UPRT: variants seen among roughly 807,000 people sequenced by gnomAD.
The protein encoded by UPRT is uracil phosphoribosyltransferase homolog, also known as RP11-311P8.3.
In UPRT, 5 loss-of-function variants were observed where a neutral mutation model predicts 22.6. The ratio of observed to expected loss-of-function variants is 0.22; its 90% CI spans 0.12 to 0.47. The LOEUF is 0.47. UPRT is among the 20% of genes least tolerant of loss of function. UPRT has a pLI of 0.99. For missense variants in UPRT, 181 were observed against 239.9 expected, an observed-to-expected ratio of 0.75 and a Z score of 1.62; for synonymous variants, 77 against 87.7, an observed-to-expected ratio of 0.88 and a Z score of 0.68.
intron 1 of UPRT, among the ~76,000 whole-genome samples, chrX:75,292,940 AT>A (rs951486484): frequency 1.8e-5 from 2 of 111,727 alleles, no homozygotes; most frequent in Non-Finnish European, 3.8e-5. Flanking sequence ...TTATTTGAGA[AT>A]GAGTTCTTGG....
chrX:75,287,747 A>G (rs1269181813), intron 1 of UPRT, among the ~76,000 whole-genome samples: 1 of 111,529 alleles, frequency 9.0e-6, no homozygotes, highest in East Asian at 2.8e-4. Context: ...TAACAATCTA[A>G]TGTCACACCT....
At chrX:75,189,504 G>C (rs1481579674) in intron 4 of UPRT, among the ~76,000 whole-genome samples, 3 of 111,815 alleles carry the variant, frequency 2.7e-5, no homozygotes, top group Non-Finnish European at 5.6e-5. Context: ...AAGTCTGCTT[G>C]GTGCAGAGCT....
chrX:75,272,609 TAA>T (rs2082615146), upstream of UPRT, among the ~76,000 whole-genome samples: 1 of 107,931 alleles, frequency 9.3e-6, no homozygotes, highest in Admixed American at 1.0e-4. Context: ...GCTTGAGAGA[TAA>T]AAGACTACAA....
upstream of UPRT, among the ~76,000 whole-genome samples, chrX:75,271,800 A>T (rs975950902): frequency 9.0e-6 from 1 of 111,408 alleles, no homozygotes; most frequent in Non-Finnish European, 1.9e-5. Context: ...AGAAAGACAA[A>T]AACAAACAAT....
chrX:75,263,097 C>T (rs1440885147), intron 4 of UPRT, among the ~76,000 whole-genome samples: 1 of 112,033 alleles, frequency 8.9e-6, no homozygotes, highest in Non-Finnish European at 1.9e-5. Flanking sequence ...GAAATCATAA[C>T]AAACAGCCTC....
At chrX:75,192,439 GT>G (rs2082318852) in intron 4 of UPRT, among the ~76,000 whole-genome samples, 1 of 111,103 alleles carries the variant, frequency 9.0e-6, no homozygotes, top group Non-Finnish European at 1.9e-5. Flanking sequence ...ATATTCCGTT[GT>G]TTTTGGGTGG....
intron 4 of UPRT, among the ~76,000 whole-genome samples, chrX:75,191,867 C>A (rs192813007): frequency 2.3e-3 from 256 of 111,525 alleles, no homozygotes; most frequent in Non-Finnish European, 3.2e-3. Context: ...TCACAGCTTT[C>A]CTTGGCTAGG....
At chrX:75,188,311 G>T (rs2082302012) in intron 4 of UPRT, among the ~76,000 whole-genome samples, 1 of 111,732 alleles carries the variant, frequency 8.9e-6, no homozygotes, top group African/African-American at 3.3e-5. Context: ...CCCTGCTAGG[G>T]GGTGCCTCCC....
chrX:75,254,973 C>T (rs2082544712), intron 4 of UPRT, among the ~76,000 whole-genome samples: 1 of 109,758 alleles, frequency 9.1e-6, no homozygotes, highest in Non-Finnish European at 1.9e-5. Flanking sequence ...GACGGGGTTT[C>T]ACCTTGTTAG....
At chrX:75,165,010 T>A (rs1253026095) in intron 3 of UPRT, among the ~76,000 whole-genome samples, 1 of 111,148 alleles carries the variant, frequency 9.0e-6, no homozygotes, top group Non-Finnish European at 1.9e-5. Context: ...TTGTGTAGTA[T>A]ATAACTTTGC....
chrX:75,175,359 A>C (rs1460083348), intron 4 of UPRT, among the ~76,000 whole-genome samples: 2 of 112,216 alleles, frequency 1.8e-5, no homozygotes, highest in Non-Finnish European at 3.8e-5. Context: ...ATGTGAAAAG[A>C]GCAAAGTCTC....
intron 4 of UPRT, among the ~76,000 whole-genome samples, chrX:75,194,606 C>T: frequency 9.0e-6 from 1 of 110,942 alleles, no homozygotes; most frequent in Non-Finnish European, 1.9e-5. Flanking sequence ...CACATTTGCA[C>T]TGATGGTGGT....
chrX:75,194,492 G>A (rs1416189924), intron 4 of UPRT, among the ~76,000 whole-genome samples: 1 of 111,414 alleles, frequency 9.0e-6, no homozygotes, highest in Non-Finnish European at 1.9e-5. Context: ...GCTGTGTCAA[G>A]AGTCCTGGTG....
chrX:75,271,047 G>T (rs1489306106), upstream of UPRT, among the ~76,000 whole-genome samples: 12 of 111,716 alleles, frequency 1.1e-4, no homozygotes, highest in Non-Finnish European at 1.9e-5. Flanking sequence ...CATAACCCAT[G>T]TCATGGACGA....
chrX:75,301,003 A>G, intron 6 of UPRT, 38 bp downstream of exon 6: 1 of 1,008,281 alleles, frequency 9.9e-7, no homozygotes, highest in Middle Eastern at 2.6e-4. Context: ...GGCTCCATAT[A>G]GTCCTGAGGT....
chrX:75,252,330 C>T (rs1421831012), intron 4 of UPRT, among the ~76,000 whole-genome samples: 2 of 110,101 alleles, frequency 1.8e-5, no homozygotes, highest in Non-Finnish European at 3.8e-5. Flanking sequence ...AAAATTAACT[C>T]AAACAAATTT....
At chrX:75,252,868 AATG>A (rs1353748155) in intron 4 of UPRT, among the ~76,000 whole-genome samples, 1 of 112,453 alleles carries the variant, frequency 8.9e-6, no homozygotes, top group Non-Finnish European at 1.9e-5. Flanking sequence ...AGCCATAAAA[AATG>A]ATGAGTTCAT....
At chrX:75,246,507 A>T (rs2082507027) in intron 4 of UPRT, among the ~76,000 whole-genome samples, 2 of 110,756 alleles carry the variant, frequency 1.8e-5, no homozygotes, top group Non-Finnish European at 1.9e-5. Flanking sequence ...TCTATCATTG[A>T]TGGACATTTC....
At chrX:75,232,052 C>A (rs2082440106) in intron 4 of UPRT, among the ~76,000 whole-genome samples, 1 of 111,467 alleles carries the variant, frequency 9.0e-6, no homozygotes, top group Admixed American at 9.5e-5. Context: ...TAGGGAGTGC[C>A]AGACAGTGGG....
Sources: gnomAD v4.1 joint callset for allele counts (sites outside exome capture counted in the v4.1 genomes callset) on GRCh38, gnomAD v4.1.1 for gene constraint, MANE v1.5 for transcripts, NCBI Gene and HGNC (gene_info 2026-07-23, HGNC 2026-07-21) for gene names.